DNAH3: variants seen among roughly 807,000 people sequenced by gnomAD.
DNAH3 encodes dynein axonemal heavy chain 3.
A neutral mutation model predicts 432.5 loss-of-function variants in DNAH3; 332 were observed. The ratio of observed to expected loss-of-function variants is 0.77; its 90% CI spans 0.70 to 0.84. The LOEUF (loss-of-function observed/expected upper bound fraction) is 0.84, where lower values mean the gene tolerates loss of function less well. DNAH3 is among the 40% of genes least tolerant of loss of function. The probability of loss-of-function intolerance (pLI) is 0.00; values close to 1 mark genes in which losing one functional copy is unlikely to be tolerated. For synonymous variants in DNAH3, 1,956 were observed against 1,900.2 expected (o/e 1.03, Z -0.76); for missense variants, 4,861 against 5,114.0 (o/e 0.95, Z 1.51).
At chr16:21,017,382 A>C (rs2087913337) in intron 41 of DNAH3, among the ~76,000 whole-genome samples, 1 of 152,064 alleles carries the variant, frequency 6.6e-6, no homozygotes, top group South Asian at 2.1e-4. Context: ...CATTCTATTA[A>C]AGTCACCCCT....
intron 44 of DNAH3, among the ~76,000 whole-genome samples, chr16:20,993,040 AT>A (rs2086624346): frequency 1.3e-5 from 2 of 151,742 alleles, no homozygotes; most frequent in Non-Finnish European, 2.9e-5. Context: ...TAATTTTTGT[AT>A]TTTTAGTAGA....
intron 1 of DNAH3, among the ~76,000 whole-genome samples, chr16:21,152,367 T>C (rs1230285381): frequency 6.6e-6 from 1 of 152,240 alleles, no homozygotes; most frequent in South Asian, 2.1e-4. Context: ...ATAACCTACC[T>C]GTCCAGAACA....
chr16:21,041,358 G>A (rs2089434496), intron 32 of DNAH3, among the ~76,000 whole-genome samples: 1 of 152,004 alleles, frequency 6.6e-6, no homozygotes, highest in Admixed American at 6.6e-5. Flanking sequence ...GGGACAGAAT[G>A]AGACTCCATC....
At chr16:21,159,266 C>T (rs558071352) in intron 1 of DNAH3, 4 of 1,412,766 alleles carry the variant, frequency 2.8e-6, no homozygotes, top group South Asian at 2.3e-5. Flanking sequence ...TACTCGACTC[C>T]CCTCTGAGTT....
intron 44 of DNAH3, among the ~76,000 whole-genome samples, chr16:20,992,581 C>T (rs1229633714): frequency 2.6e-5 from 4 of 152,150 alleles, no homozygotes; most frequent in Non-Finnish European, 5.9e-5. Flanking sequence ...ACCTCGTGAT[C>T]TGCCTGCCTC....
chr16:20,987,612 AGCTATTACT>A, intron 46 of DNAH3, 72 bp downstream of exon 46: 1 of 1,566,464 alleles, frequency 6.4e-7, no homozygotes, highest in Non-Finnish European at 8.7e-7. Context: ...AATAAAAGTT[AGCTATTACT>A]GCTATTACTA....
intron 28 of DNAH3, 50 bp from the exon 29 acceptor site, chr16:21,051,918 C>G: frequency 6.6e-7 from 1 of 1,517,656 alleles, no homozygotes; most frequent in Non-Finnish European, 9.2e-7. Flanking sequence ...TCAGAACTCT[C>G]CATCTTTGTA....
chr16:20,955,721 A>C (rs1275085015), intron 54 of DNAH3, among the ~76,000 whole-genome samples: 1 of 152,180 alleles, frequency 6.6e-6, no homozygotes, highest in Non-Finnish European at 1.5e-5. Flanking sequence ...CCTGTCATAT[A>C]AGAAATGGCA....
chr16:20,958,458 CTTCTCCAACAACTT>C (rs1210104848), intron 54 of DNAH3, among the ~76,000 whole-genome samples: 2 of 152,092 alleles, frequency 1.3e-5, no homozygotes, highest in African/African-American at 4.8e-5. Flanking sequence ...CTCCTATTAC[CTTCTCCAACAACTT>C]TTCATGGCAT....
chr16:20,982,022 A>G (rs1422460536), intron 49 of DNAH3, among the ~76,000 whole-genome samples: 2 of 147,728 alleles, frequency 1.4e-5, no homozygotes, highest in Non-Finnish European at 1.5e-5. Context: ...ATAATTAAGT[A>G]TATATATATA....
exon 30 of DNAH3, chr16:21,049,998 T>C: frequency 6.2e-7 from 1 of 1,614,122 alleles, no homozygotes; most frequent in Non-Finnish European, 8.5e-7. Context: ...AAGGTTCAGC[T>C]TCAAAGCTCC....
intron 18 of DNAH3, among the ~76,000 whole-genome samples, chr16:21,091,802 TA>T (rs2091543426): frequency 6.6e-6 from 1 of 151,656 alleles, no homozygotes; most frequent in South Asian, 2.1e-4. Flanking sequence ...GGTGACAGAA[TA>T]AGACTCTGTC....
At chr16:21,145,923 G>A in intron 2 of DNAH3, 61 bp downstream of exon 3, 1 of 1,053,048 alleles carries the variant, frequency 9.5e-7, no homozygotes, top group Non-Finnish European at 1.5e-6. Context: ...ACGGAGAGAA[G>A]TGGGGGATGC....
chr16:21,062,585 A>G, exon 25 of DNAH3: 3 of 1,614,170 alleles, frequency 1.9e-6, no homozygotes, highest in Non-Finnish European at 2.5e-6. Flanking sequence ...AAGCTTGGCA[A>G]TTCCTTCAAA....
intron 49 of DNAH3, among the ~76,000 whole-genome samples, chr16:20,981,387 A>G (rs1346163843): frequency 6.6e-6 from 1 of 152,178 alleles, no homozygotes; most frequent in East Asian, 1.9e-4. Flanking sequence ...ATTTAAGGCC[A>G]TTGACACTCT....
chr16:21,104,442 T>C, intron 16 of DNAH3, 29 bp downstream of exon 16: 1 of 1,603,554 alleles, frequency 6.2e-7, no homozygotes, highest in Non-Finnish European at 8.5e-7. Context: ...AGGTCTCATT[T>C]CCAAGACAAT....
chr16:21,093,722 G>C (rs755655541), intron 18 of DNAH3, among the ~76,000 whole-genome samples: 5 of 152,204 alleles, frequency 3.3e-5, no homozygotes, highest in African/African-American at 9.6e-5. Context: ...TCAGTGAAAG[G>C]CTTGACATAT....
chr16:21,107,849 T>C (rs757456148), intron 14 of DNAH3, among the ~76,000 whole-genome samples: 3 of 152,016 alleles, frequency 2.0e-5, no homozygotes, highest in Non-Finnish European at 2.9e-5. Flanking sequence ...TTATTATTAC[T>C]TGATCGTGAC....
intron 51 of DNAH3, 114 bp downstream of exon 51, chr16:20,975,119 C>CCATG: frequency 7.8e-7 from 1 of 1,288,104 alleles, no homozygotes; most frequent in Non-Finnish European, 1.1e-6. Flanking sequence ...CTGTGAGCCA[C>CCATG]CATGCCCAGC....
Sources: allele counts gnomAD v4.1 joint callset (sites outside exome capture counted in the v4.1 genomes callset), GRCh38; gene constraint gnomAD v4.1.1; transcripts MANE v1.5; gene names NCBI Gene and HGNC (gene_info 2026-07-23, HGNC 2026-07-21).